Variants in KANK4 observed in about 807,000 individuals in gnomAD.
KANK4 encodes the protein KN motif and ankyrin repeat domain-containing protein 4.
KANK4 carries 50 observed loss-of-function variants against 80.8 expected under a neutral mutation model. The observed-to-expected ratio is 0.62, with a 90% CI of 0.49 to 0.78. KANK4 has a LOEUF of 0.78. Among genes scored for constraint, KANK4 ranks in the 30% least tolerant of loss-of-function variants. The probability of loss-of-function intolerance (pLI) is 0.00; values close to 1 mark genes in which losing one functional copy is unlikely to be tolerated. For synonymous variants in KANK4, 465 were observed against 506.9 expected (o/e 0.92, Z 1.11); for missense variants, 1,196 against 1,240.1 (o/e 0.96, Z 0.53).
At chr1:62,256,813 G>C (rs992284597) in intron 7 of KANK4, among the ~76,000 whole-genome samples, 1 of 152,168 alleles carries the variant, frequency 6.6e-6, no homozygotes, top group Non-Finnish European at 1.5e-5. Context: ...ACTGCCATGA[G>C]CCGGCAGGTG....
At chr1:62,241,629 C>T (rs1671344184) in intron 9 of KANK4, among the ~76,000 whole-genome samples, 1 of 152,174 alleles carries the variant, frequency 6.6e-6, no homozygotes, top group South Asian at 2.1e-4. Flanking sequence ...GCACAAGAAC[C>T]TAACGGTATT....
chr1:62,281,272 A>G (rs1044821728), intron 2 of KANK4, among the ~76,000 whole-genome samples: 1 of 152,244 alleles, frequency 6.6e-6, no homozygotes, highest in African/African-American at 2.4e-5. Flanking sequence ...TTACACAGCA[A>G]AGCTAACTGA....
chr1:62,271,828 A>T, intron 3 of KANK4: 1 of 437,366 alleles, frequency 2.3e-6, no homozygotes, highest in Middle Eastern at 6.6e-4. Flanking sequence ...ATGAAGAACC[A>T]TGTGGCGTAG....
chr1:62,257,757 C>G (rs891574735), intron 7 of KANK4, among the ~76,000 whole-genome samples: 3 of 152,164 alleles, frequency 2.0e-5, no homozygotes, highest in Admixed American at 2.0e-4. Flanking sequence ...TCCCCAACCC[C>G]CTTCTTACTT....
chr1:62,277,508 T>C (rs1178358977), intron 2 of KANK4, among the ~76,000 whole-genome samples: 2 of 152,192 alleles, frequency 1.3e-5, no homozygotes, highest in Non-Finnish European at 2.9e-5. Flanking sequence ...CAAAAGAATA[T>C]GGCAGATGCT....
chr1:62,259,422 G>A (rs1452561325), intron 7 of KANK4, among the ~76,000 whole-genome samples: 2 of 152,072 alleles, frequency 1.3e-5, no homozygotes, highest in Admixed American at 6.6e-5. Flanking sequence ...GACCACAGGC[G>A]TGTGCCATCA....
chr1:62,278,960 A>G (rs1672386214), intron 2 of KANK4, among the ~76,000 whole-genome samples: 1 of 152,204 alleles, frequency 6.6e-6, no homozygotes, highest in African/African-American at 2.4e-5. Flanking sequence ...GCTCTCCTAA[A>G]GGAGAGGCTG....
intron 1 of KANK4, among the ~76,000 whole-genome samples, chr1:62,307,834 T>C (rs1402747724): frequency 6.6e-6 from 1 of 152,126 alleles, no homozygotes; most frequent in African/African-American, 2.4e-5. Flanking sequence ...ACAGAATTCT[T>C]CTTTTTTAAA....
intron 9 of KANK4, among the ~76,000 whole-genome samples, chr1:62,240,093 G>A (rs1427418515): frequency 6.6e-6 from 1 of 152,214 alleles, no homozygotes; most frequent in East Asian, 1.9e-4. Context: ...TCACCGCACT[G>A]TCTTCCACAA....
chr1:62,310,712 G>C (rs1644491648), intron 1 of KANK4, among the ~76,000 whole-genome samples: 1 of 152,144 alleles, frequency 6.6e-6, no homozygotes, highest in Non-Finnish European at 1.5e-5. Context: ...TCATGTTGGA[G>C]AGAAATCAGG....
chr1:62,249,089 C>T (rs995815698), intron 8 of KANK4, among the ~76,000 whole-genome samples: 39 of 147,592 alleles, frequency 2.6e-4, no homozygotes, highest in African/African-American at 9.4e-4. Flanking sequence ...CACTTGAACC[C>T]GGGAGGCAGA....
intron 1 of KANK4, among the ~76,000 whole-genome samples, chr1:62,311,366 G>A (rs1444178281): frequency 2.6e-5 from 4 of 152,012 alleles, no homozygotes; most frequent in African/African-American, 7.3e-5. Flanking sequence ...TATATTCAAA[G>A]GTCTTGGCAC....
rs759268050 is a variant in KANK4, at chr1:62,268,371, G to T, written c.2147C>A (p.Ala716Asp). 8.7e-6 allele frequency: 14 copies of T among 1,613,918 alleles called. No homozygotes were observed. The highest frequency in any genetic ancestry group is 1.6e-4 in the Middle Eastern group (1 of 6,080). ...GGTGCCCTCAGGGATGCCCTGCCCAGCCTCGCAGGTGAGATGGGCATCTTT... is the reference window on the plus strand; with the variant it reads ...GGTGCCCTCAGGGATGCCCTGCCCATCCTCGCAGGTGAGATGGGCATCTTT... ...HVKDAHLTCE[A>D]GQGIPEGTCH... Residue 716 changes from alanine to aspartate, a missense_variant, in exon 5 of 10, where the codon GCT becomes GAT. Ala to Asp is a moderately radical substitution (Grantham distance 126). Around this residue, in one of 3 missense-constraint regions of KANK4, gnomAD observed 1,154 missense variants for 1,179.6 expected, o/e 0.98. Coordinates refer to ENST00000371153, the MANE Select transcript of KANK4 (RefSeq NM_181712.5).
At chr1:62,291,933 TCA>T (rs1352488579) in intron 1 of KANK4, among the ~76,000 whole-genome samples, 2 of 152,156 alleles carry the variant, frequency 1.3e-5, no homozygotes, top group East Asian at 3.9e-4. Flanking sequence ...ATGGGAATAT[TCA>T]GTTTTCCCAG....
chr1:62,242,106 C>T (rs1337590907), intron 9 of KANK4, among the ~76,000 whole-genome samples: 3 of 152,064 alleles, frequency 2.0e-5, no homozygotes, highest in African/African-American at 2.4e-5. Flanking sequence ...AGCCTCTGCT[C>T]GACAACACTC....
intron 7 of KANK4, 121 bp downstream of exon 7, chr1:62,262,971 C>A: frequency 1.4e-6 from 1 of 731,890 alleles, no homozygotes; most frequent in Non-Finnish European, 2.4e-6. Context: ...CTGTGCAATT[C>A]ATCCATGTAA....
intron 8 of KANK4, 52 bp from the exon 9 acceptor site, chr1:62,247,724 C>T: frequency 2.0e-6 from 3 of 1,503,348 alleles, no homozygotes; most frequent in Non-Finnish European, 1.8e-6. Context: ...TGGGGAAGGA[C>T]CCCCTCTCCA....
chr1:62,247,580 C>T lies in KANK4; in HGVS notation c.2775G>A (p.Gln925=), dbSNP rs187338839. The T allele has an allele frequency of 4.7e-4, 766 of 1,614,084 alleles. 11 individuals are homozygous for T. The East Asian group carries it at 0.014, about 31-fold the overall frequency. Residue 925 remains glutamine, a synonymous_variant, in exon 9 of 10, where the codon CAG becomes CAA. Transcript: ENST00000371153. ...LLSCQADVNL[Q]DHDGSSALMV... ...TGAGGGCCGAGGATCCATCGTGGTC[C>T]TGCAGATTGACATCTGCCTGGCAGC...
At chr1:62,296,717 A>C (rs1343808789) in intron 1 of KANK4, among the ~76,000 whole-genome samples, 1 of 151,880 alleles carries the variant, frequency 6.6e-6, no homozygotes, top group Non-Finnish European at 1.5e-5. Flanking sequence ...ATGCCCGGCT[A>C]ATTTTTGAAA....
Sources: gnomAD v4.1 joint callset for allele counts (sites outside exome capture counted in the v4.1 genomes callset) on GRCh38, gnomAD v4.1.1 for gene constraint, gnomAD v4.1.1 regional missense constraint, MANE v1.5 for transcripts, NCBI Gene and HGNC (gene_info 2026-07-23, HGNC 2026-07-21) for gene names.